AJAP1: variants seen among roughly 807,000 people sequenced by gnomAD.
AJAP1 encodes adherens junction-associated protein 1.
AJAP1 carries 5 observed loss-of-function variants against 35.0 expected under a neutral mutation model. The ratio of observed to expected loss-of-function variants is 0.14; its 90% CI spans 0.07 to 0.30. The LOEUF (loss-of-function observed/expected upper bound fraction) is 0.30. Among genes scored for constraint, AJAP1 ranks in the 10% least tolerant of loss-of-function variants. The pLI, the probability that AJAP1 is intolerant of heterozygous loss-of-function variation, is 1.00. For missense variants in AJAP1, 586 were observed against 571.0 expected, an observed-to-expected ratio of 1.03 and a Z score of -0.27; for synonymous variants, 284 against 249.3, an observed-to-expected ratio of 1.14 and a Z score of -1.31.
chr1:4,734,877 C>T lies in AJAP1; in HGVS notation c.829+22178C>T, dbSNP rs746102383. The stretch of plus-strand genomic sequence containing the variant: ...CGAAACAGTGGCGTTTCCTCTTCCC[C>T]GAGCACTCAGCCTCCATCTGGCTTT... On this transcript the variant is annotated intron_variant, in intron 2 of 5. Coordinates refer to ENST00000378191, the MANE Select transcript of AJAP1 (RefSeq NM_018836.4). The surrounding 1 kb of genome is among the most constrained non-coding windows in gnomAD (Gnocchi z 4.3). Among the ~76,000 whole-genome samples, 4 of 152,180 alleles carry T rather than the reference C, an allele frequency of 2.6e-5. No individual in the cohort carries two copies. Among genetic ancestry groups the T allele is most frequent in the African/African-American group, 7.2e-5 (3 of 41,432 alleles).
intron 1 of AJAP1, among the ~76,000 whole-genome samples, chr1:4,709,472 G>T (rs969436485): frequency 6.6e-6 from 1 of 152,090 alleles, no homozygotes; most frequent in Non-Finnish European, 1.5e-5. Flanking sequence ...GTGAGGCCTG[G>T]TGGAGCCTGA....
At chr1:4,689,410 G>A (rs1430028604) in intron 1 of AJAP1, among the ~76,000 whole-genome samples, 8 of 152,324 alleles carry the variant, frequency 5.3e-5, no homozygotes, top group Non-Finnish European at 7.4e-5. Flanking sequence ...ACGAGGAGGC[G>A]GAGGGCCAGG....
intron 2 of AJAP1, among the ~76,000 whole-genome samples, chr1:4,728,826 A>G (rs242048): frequency 0.59 from 89,150 of 152,060 alleles, 27,654 homozygotes; most frequent in East Asian, 0.99. Context: ...CCTGGGGCTC[A>G]CTTAGTCTGG....
chr1:4,748,046 CCCCA>C (rs1323680740), intron 2 of AJAP1, among the ~76,000 whole-genome samples: 1 of 151,760 alleles, frequency 6.6e-6, no homozygotes, highest in Non-Finnish European at 1.5e-5. Flanking sequence ...CCAACCCAAA[CCCCA>C]CCCACTGTGT....
At chr1:4,672,554 T>G (rs778591971) in intron 1 of AJAP1, among the ~76,000 whole-genome samples, 5 of 152,196 alleles carry the variant, frequency 3.3e-5, no homozygotes, top group Non-Finnish European at 7.3e-5. Context: ...AGCTCTTTCC[T>G]GTGGACCAGA....
intron 2 of AJAP1, among the ~76,000 whole-genome samples, chr1:4,753,069 C>T (rs962914604): frequency 1.7e-5 from 2 of 117,282 alleles, no homozygotes; most frequent in Non-Finnish European, 3.6e-5. Context: ...GAGAGCCTAC[C>T]ATGAATCTTC....
At chr1:4,679,827 GT>G (rs1165762245) in intron 1 of AJAP1, among the ~76,000 whole-genome samples, 10 of 151,102 alleles carry the variant, frequency 6.6e-5, no homozygotes, top group African/African-American at 1.7e-4. Context: ...GTGTGTGTGT[GT>G]GTGTGTGTGT....
At chr1:4,661,722 TG>T (rs1445062024) in intron 1 of AJAP1, among the ~76,000 whole-genome samples, 1 of 152,246 alleles carries the variant, frequency 6.6e-6, no homozygotes, top group Non-Finnish European at 1.5e-5. Flanking sequence ...CAGCACTTCA[TG>T]GATTTAGCCG....
In AJAP1 at chr1:4,693,837, G is replaced by C. The variant is rs976570538; in HGVS notation, c.30-18063G>C. On this transcript the variant is annotated intron_variant, in intron 1 of 5. Coordinates refer to ENST00000378191, the MANE Select transcript of AJAP1 (RefSeq NM_018836.4). This position sits in a 1 kb window ranked among gnomAD's most constrained non-coding sequence, Gnocchi z 4.4. ...GCGTCCTTTTATCAGGAACCCACTTGGGGGAGATAATGGCATTCAGCCATT... is the reference window on the plus strand; with the variant it reads ...GCGTCCTTTTATCAGGAACCCACTTCGGGGAGATAATGGCATTCAGCCATT... Among the ~76,000 whole-genome samples, 3 of 152,172 alleles carry C rather than the reference G, an allele frequency of 2.0e-5. No homozygotes were observed. The highest frequency in any genetic ancestry group is 2.1e-4 in the South Asian group (1 of 4,836).
At chr1:4,713,705 A>G (rs1570146446) in intron 2 of AJAP1, among the ~76,000 whole-genome samples, 1 of 152,346 alleles carries the variant, frequency 6.6e-6, no homozygotes, top group African/African-American at 2.4e-5. Flanking sequence ...GAAGTTCACA[A>G]CCTAGATCTG....
chr1:4,762,551 G>A (rs1368844726), intron 2 of AJAP1, among the ~76,000 whole-genome samples: 3 of 152,218 alleles, frequency 2.0e-5, no homozygotes, highest in Non-Finnish European at 4.4e-5. Context: ...TCATTGCTGG[G>A]ATGAGACAGT....
chr1:4,753,925 G>A (rs1030546009), intron 2 of AJAP1, among the ~76,000 whole-genome samples: 11 of 152,176 alleles, frequency 7.2e-5, no homozygotes, highest in Admixed American at 7.2e-4. Context: ...CTTATTCTAT[G>A]AGACTATGTC....
chr1:4,701,557 G>A (rs1026765681), intron 1 of AJAP1, among the ~76,000 whole-genome samples: 2 of 152,132 alleles, frequency 1.3e-5, no homozygotes, highest in Non-Finnish European at 2.9e-5. Context: ...TCCCAGCCTC[G>A]GCCCTCTGGT....
chr1:4,725,204 C>T (rs1231438121), intron 2 of AJAP1, among the ~76,000 whole-genome samples: 2 of 152,184 alleles, frequency 1.3e-5, no homozygotes, highest in East Asian at 1.9e-4. Context: ...AGTAAAGGGA[C>T]CTCCAGCCCC....
At chr1:4,775,063 TAAAG>T (rs751332245) in intron 5 of AJAP1, among the ~76,000 whole-genome samples, 17 of 151,924 alleles carry the variant, frequency 1.1e-4, no homozygotes, top group Non-Finnish European at 1.9e-4. Flanking sequence ...AAGAAAATGA[TAAAG>T]AAAGAAAGGG....
chr1:4,684,166 ATGT>A (rs1312281019), intron 1 of AJAP1, among the ~76,000 whole-genome samples: 2 of 152,118 alleles, frequency 1.3e-5, no homozygotes, highest in Non-Finnish European at 2.9e-5. Flanking sequence ...GGTTGAGCAA[ATGT>A]TGCTGCTGTC....
At chr1:4,697,881 TC>T (rs1639902010) in intron 1 of AJAP1, among the ~76,000 whole-genome samples, 1 of 152,204 alleles carries the variant, frequency 6.6e-6, no homozygotes, top group African/African-American at 2.4e-5. Context: ...AGGGCAGCGT[TC>T]CAGTGGCCGG....
At chr1:4,675,498 T>G (rs565038980) in intron 1 of AJAP1, among the ~76,000 whole-genome samples, 1 of 152,318 alleles carries the variant, frequency 6.6e-6, no homozygotes, top group East Asian at 1.9e-4. Flanking sequence ...CGTTTATTAC[T>G]GGGGCCTCTT....
chr1:4,703,059 G>A (rs897686552), intron 1 of AJAP1, among the ~76,000 whole-genome samples: 1 of 152,114 alleles, frequency 6.6e-6, no homozygotes, highest in African/African-American at 2.4e-5. Flanking sequence ...GGACGTGTCC[G>A]GGCCTGTGAT....
Sources: allele counts gnomAD v4.1 joint callset (sites outside exome capture counted in the v4.1 genomes callset), GRCh38; gene constraint gnomAD v4.1.1; non-coding constraint Gnocchi (gnomAD v3.1); transcripts MANE v1.5; gene names NCBI Gene and HGNC (gene_info 2026-07-23, HGNC 2026-07-21).